The following RAPGEF4 variants were observed in gnomAD, a reference collection of about 807,000 sequenced individuals.
The protein encoded by RAPGEF4 is Rap guanine nucleotide exchange factor 4.
A neutral mutation model predicts 147.9 loss-of-function variants in RAPGEF4; 66 were observed. That is an observed-to-expected ratio of 0.45 (90% CI 0.37 to 0.55). The LOEUF is 0.55. RAPGEF4 is among the 20% of genes least tolerant of loss of function. The probability of loss-of-function intolerance (pLI) is 0.00; values close to 1 mark genes in which losing one functional copy is unlikely to be tolerated. For synonymous variants in RAPGEF4, 419 were observed against 442.7 expected (o/e 0.95, Z 0.67); for missense variants, 1,071 against 1,257.3 (o/e 0.85, Z 2.24).
chr2:172,790,397 T>C (rs1000746129), intron 1 of RAPGEF4, among the ~76,000 whole-genome samples: 1 of 152,192 alleles, frequency 6.6e-6, no homozygotes, highest in Non-Finnish European at 1.5e-5. Flanking sequence ...TCATTTTTTA[T>C]AAAAGGCCCT....
At position 172,985,624 on chromosome 2, in the gene RAPGEF4, G is replaced by A. The variant is rs1692171548; in HGVS notation, c.1150+131G>A. ...GCTTGGTGACTTGGCAGGGTGTCCT[G>A]TGGTACTTTCGTTTTTCTGGACCTG... On this transcript the variant is annotated intron_variant, in intron 12 of 30. Coordinates refer to ENST00000397081, the MANE Select transcript of RAPGEF4 (RefSeq NM_007023.4). 72 of 1,487,764 alleles carry A rather than the reference G, an allele frequency of 4.8e-5. No homozygotes were observed. The South Asian group carries it at 9.7e-4, about 20-fold the overall frequency. The allele number at this position is 1,487,764 out of a possible 1,614,324, so 92.2% of individuals were successfully genotyped here.
chr2:172,858,507 T>C (rs903924776), intron 4 of RAPGEF4, among the ~76,000 whole-genome samples: 1 of 152,196 alleles, frequency 6.6e-6, no homozygotes, highest in South Asian at 2.1e-4. Context: ...ACTTGATTGA[T>C]TGATGGTTCT....
intron 1 of RAPGEF4, among the ~76,000 whole-genome samples, chr2:172,736,360 T>A (rs184693712): frequency 6.6e-6 from 1 of 152,292 alleles, no homozygotes; most frequent in East Asian, 1.9e-4. Context: ...GGGGGTTTAT[T>A]TTCTCTTGGC....
intron 1 of RAPGEF4, among the ~76,000 whole-genome samples, chr2:172,768,420 A>G (rs746387348): frequency 6.6e-6 from 1 of 152,160 alleles, no homozygotes; most frequent in East Asian, 1.9e-4. Flanking sequence ...TTGTAAACAA[A>G]TATTTGATTT....
chr2:172,925,492 T>C (rs1685192269), intron 6 of RAPGEF4, among the ~76,000 whole-genome samples: 1 of 152,116 alleles, frequency 6.6e-6, no homozygotes, highest in Non-Finnish European at 1.5e-5. Context: ...CATCATTTAA[T>C]GTGAGATAAT....
intron 1 of RAPGEF4, among the ~76,000 whole-genome samples, chr2:172,747,796 G>A (rs1439334026): frequency 6.6e-6 from 1 of 152,088 alleles, no homozygotes; most frequent in African/African-American, 2.4e-5. Context: ...CTGAAACTTT[G>A]TACCCCTTGA....
chr2:172,966,449 C>T (rs1321194628), intron 9 of RAPGEF4, among the ~76,000 whole-genome samples: 1 of 152,142 alleles, frequency 6.6e-6, no homozygotes, highest in Admixed American at 6.5e-5. Flanking sequence ...GTCTGTATTT[C>T]CAACAAGTTC....
At chr2:172,741,590 G>C (rs1694301861) in intron 1 of RAPGEF4, among the ~76,000 whole-genome samples, 1 of 149,738 alleles carries the variant, frequency 6.7e-6, no homozygotes, top group Non-Finnish European at 1.5e-5. Flanking sequence ...ACCCACCTTT[G>C]AAAAAAAAAC....
intron 26 of RAPGEF4, 105 bp from the exon 27 acceptor site, chr2:173,033,805 TTTGA>T: frequency 1.0e-6 from 1 of 992,074 alleles, no homozygotes; most frequent in South Asian, 1.5e-5. Flanking sequence ...CTCAGAGATG[TTTGA>T]TTAAGAGCCA....
At chr2:172,998,044 G>A (rs910177549) in intron 16 of RAPGEF4, among the ~76,000 whole-genome samples, 1 of 152,204 alleles carries the variant, frequency 6.6e-6, no homozygotes, top group African/African-American at 2.4e-5. Flanking sequence ...CAGACACTAA[G>A]CTAGATGCTT....
chr2:172,804,644 T>C (rs1366971951), intron 3 of RAPGEF4, among the ~76,000 whole-genome samples: 2 of 152,214 alleles, frequency 1.3e-5, no homozygotes, highest in East Asian at 3.9e-4. Flanking sequence ...AGTCATTCCC[T>C]GGGGAATCTG....
chr2:172,842,528 A>G (rs1691729040), intron 4 of RAPGEF4, among the ~76,000 whole-genome samples: 1 of 152,202 alleles, frequency 6.6e-6, no homozygotes, highest in African/African-American at 2.4e-5. Flanking sequence ...ACCTGGGGCA[A>G]CACACAGGAG....
chr2:173,015,637 AT>A (rs976347881), intron 18 of RAPGEF4, among the ~76,000 whole-genome samples: 1 of 152,168 alleles, frequency 6.6e-6, no homozygotes, highest in East Asian at 1.9e-4. Context: ...GTACAGGACC[AT>A]TTTGTAGATG....
chr2:172,879,751 G>A lies in RAPGEF4; in HGVS notation c.445-38051G>A, dbSNP rs141028238. Among the ~76,000 whole-genome samples the A allele has an allele frequency of 9.9e-4, 150 of 152,264 alleles. 1 individual carries two copies. Among genetic ancestry groups the A allele is most frequent in the Middle Eastern group, 6.8e-3 (2 of 294 alleles). On this transcript the variant is annotated intron_variant, in intron 4 of 30. Transcript: ENST00000397081. ...TAGAAGGTCAAGGCTGCAGTGAGCC[G>A]TGATCATACCACTGTACTGCAGCCT...
At chr2:172,870,690 G>A (rs750864351) in intron 4 of RAPGEF4, among the ~76,000 whole-genome samples, 4 of 152,114 alleles carry the variant, frequency 2.6e-5, no homozygotes, top group Non-Finnish European at 5.9e-5. Flanking sequence ...CGAGAGATAT[G>A]CTGCTGTGTG....
intron 4 of RAPGEF4, among the ~76,000 whole-genome samples, chr2:172,840,958 A>G (rs1370166143): frequency 4.6e-5 from 7 of 152,326 alleles, no homozygotes; most frequent in African/African-American, 1.7e-4. Context: ...CCATAGCACT[A>G]TGTCTGAATG....
chr2:172,884,152 C>T (rs1197410303), intron 4 of RAPGEF4, among the ~76,000 whole-genome samples: 1 of 152,144 alleles, frequency 6.6e-6, no homozygotes, highest in Admixed American at 6.5e-5. Flanking sequence ...ACCAGGGAGC[C>T]AACAGTGAAC....
Position 172,804,742 on chromosome 2 carries a change from C to T in RAPGEF4, c.297+7129C>T, listed in dbSNP as rs114817697. 5.3e-3 allele frequency among the ~76,000 whole-genome samples: 813 copies of T among 152,218 alleles called. 7 individuals are homozygous for T. The highest frequency in any genetic ancestry group is 0.018 in the African/African-American group (758 of 41,536). ...TGGGGTGGAGAGGGGTGATGGGGAT[C>T]CTTTTTTGCCCCTGGATTGCTGAAG... On this transcript the variant is annotated intron_variant, in intron 3 of 30. Coordinates refer to ENST00000397081, the MANE Select transcript of RAPGEF4 (RefSeq NM_007023.4).
intron 6 of RAPGEF4, among the ~76,000 whole-genome samples, chr2:172,956,761 C>T (rs541616568): frequency 1.3e-3 from 197 of 152,330 alleles, no homozygotes; most frequent in African/African-American, 4.4e-3. Flanking sequence ...TGAGCCACTG[C>T]GCCTGGCCCA....
Sources: gnomAD v4.1 joint callset for allele counts (sites outside exome capture counted in the v4.1 genomes callset) on GRCh38, gnomAD v4.1.1 for gene constraint, MANE v1.5 for transcripts, NCBI Gene and HGNC (gene_info 2026-07-23, HGNC 2026-07-21) for gene names.